Variants in TTC7A observed in about 807,000 individuals in gnomAD.
The protein encoded by TTC7A is tetratricopeptide repeat protein 7A.
Under a neutral mutation model 103.7 loss-of-function variants are expected in TTC7A, and 110 were observed. That is an observed-to-expected ratio of 1.06 (90% CI 0.91 to 1.24). The LOEUF (loss-of-function observed/expected upper bound fraction) is 1.24, where lower values mean the gene tolerates loss of function less well. TTC7A is among the 50% of genes most tolerant of loss of function. The probability of loss-of-function intolerance (pLI) is 0.00; values close to 1 mark genes in which losing one functional copy is unlikely to be tolerated. For synonymous variants in TTC7A, 521 were observed against 467.9 expected (o/e 1.11, Z -1.47); for missense variants, 1,340 against 1,116.3 (o/e 1.20, Z -2.86).
chr2:46,981,876 C>T (rs963955633), intron 5 of TTC7A, among the ~76,000 whole-genome samples: 2 of 152,214 alleles, frequency 1.3e-5, no homozygotes, highest in African/African-American at 4.8e-5. Flanking sequence ...GAATGTGGAA[C>T]AGGCTGTGGT....
chr2:46,993,212 A>C (rs573600058), intron 5 of TTC7A, among the ~76,000 whole-genome samples: 154 of 152,330 alleles, frequency 1.0e-3, no homozygotes, highest in African/African-American at 3.6e-3. Context: ...CGGAAGCCCA[A>C]GTTGCTGGGG....
chr2:47,061,636 C>T (rs960983582), intron 19 of TTC7A, among the ~76,000 whole-genome samples: 2 of 152,186 alleles, frequency 1.3e-5, no homozygotes, highest in Non-Finnish European at 2.9e-5. Context: ...CTGGCCTTAC[C>T]TCTACCTGGT....
intron 15 of TTC7A, among the ~76,000 whole-genome samples, chr2:47,042,392 C>T (rs1464154511): frequency 1.3e-5 from 2 of 152,096 alleles, no homozygotes; most frequent in African/African-American, 4.8e-5. Flanking sequence ...GTCCTAACTA[C>T]TCAGGAGGCT....
intron 1 of TTC7A, among the ~76,000 whole-genome samples, chr2:46,944,374 G>GTTTTTTTGT (rs1670735530): frequency 1.0e-4 from 9 of 88,946 alleles, no homozygotes; most frequent in African/African-American, 4.1e-4. Flanking sequence ...GGTATTTTGG[G>GTTTTTTTGT]TTTTTTTTTT....
chr2:46,984,093 T>C (rs1042420819), intron 5 of TTC7A, among the ~76,000 whole-genome samples: 7 of 152,344 alleles, frequency 4.6e-5, no homozygotes, highest in Admixed American at 1.3e-4. Context: ...AGCACCATAT[T>C]TAGCATCCCT....
At chr2:46,975,190 G>A in intron 4 of TTC7A, 87 bp downstream of exon 4, 2 of 1,546,524 alleles carry the variant, frequency 1.3e-6, no homozygotes, top group Non-Finnish European at 1.8e-6. Flanking sequence ...GGTCACCTGT[G>A]TGCTAATTAG....
chr2:47,024,535 C>G (rs143290515), intron 14 of TTC7A, among the ~76,000 whole-genome samples, 176 bp downstream of exon 14: 2 of 152,070 alleles, frequency 1.3e-5, no homozygotes, highest in Non-Finnish European at 1.5e-5. Flanking sequence ...AGGATGAGGT[C>G]AGGTAATGTG....
chr2:46,950,625 A>G lies in TTC7A; in HGVS notation c.348+99A>G. 3 of 1,336,180 alleles carry G rather than the reference A, an allele frequency of 2.2e-6. No individual in the cohort carries two copies. In the South Asian group the frequency reaches 4.3e-5, roughly 19 times the overall value. 82.8% of individuals were successfully genotyped at this position (1,336,180 alleles called of 1,614,324 possible). A position where few individuals can be genotyped will look rare whatever the true frequency, so the allele number is the denominator to read the frequency against. On this transcript the variant is annotated intron_variant, in intron 2 of 19. Transcript: ENST00000319190. ...GAGTCATTTGGTCACCTGAGCAACA[A>G]GTCTCTCTTACAAGCTGCCCTTGCA...
At chr2:47,070,117 C>T (rs1318204811) in intron 19 of TTC7A, among the ~76,000 whole-genome samples, 1 of 152,242 alleles carries the variant, frequency 6.6e-6, no homozygotes, top group Non-Finnish European at 1.5e-5. Flanking sequence ...TGCTGCTCTG[C>T]CCTTGGAGGG....
At chr2:47,071,703 A>G (rs909873842) in intron 19 of TTC7A, among the ~76,000 whole-genome samples, 1 of 152,162 alleles carries the variant, frequency 6.6e-6, no homozygotes, top group African/African-American at 2.4e-5. Context: ...CTACAGACAC[A>G]CACAGGAAGT....
At chr2:46,976,357 G>A (rs775457701) in intron 4 of TTC7A, among the ~76,000 whole-genome samples, 2 of 152,196 alleles carry the variant, frequency 1.3e-5, no homozygotes, top group Non-Finnish European at 2.9e-5. Context: ...AATGCTCGTG[G>A]GGAAGATATT....
chr2:47,009,532 C>T (rs1270206712), intron 10 of TTC7A, among the ~76,000 whole-genome samples: 1 of 152,150 alleles, frequency 6.6e-6, no homozygotes, highest in Admixed American at 6.5e-5. Context: ...AAAAGCTCTT[C>T]CTTAGATGGC....
intron 12 of TTC7A, among the ~76,000 whole-genome samples, chr2:47,022,578 T>C (rs1679410856): frequency 6.6e-6 from 1 of 152,068 alleles, no homozygotes. Context: ...ACTTTGATCT[T>C]GTAGCTTGAG....
chr2:46,997,982 C>T (rs1000731587), intron 8 of TTC7A, among the ~76,000 whole-genome samples: 1 of 152,114 alleles, frequency 6.6e-6, no homozygotes, highest in Non-Finnish European at 1.5e-5. Context: ...CCTGAGTATG[C>T]GATCTCCTCC....
At chr2:47,000,508 C>T (rs908864002) in intron 8 of TTC7A, among the ~76,000 whole-genome samples, 2 of 152,174 alleles carry the variant, frequency 1.3e-5, no homozygotes, top group Non-Finnish European at 2.9e-5. Context: ...AGCAGGAGCT[C>T]GGAGGCTGGC....
chr2:47,074,041 T>C lies in TTC7A; in HGVS notation c.*118T>C. On this transcript the variant is annotated 3_prime_UTR_variant, in exon 20 of 20. Coordinates refer to ENST00000319190, the MANE Select transcript of TTC7A (RefSeq NM_020458.4). ...GGGCCTCAGGGAAATACATCTTTAGTGAACGCCTCTGCAGCTGCAGCCCTC... is the reference window on the plus strand; with the variant it reads ...GGGCCTCAGGGAAATACATCTTTAGCGAACGCCTCTGCAGCTGCAGCCCTC... 1 of 728,024 alleles carries C rather than the reference T, an allele frequency of 1.4e-6. No homozygotes were observed. The highest frequency in any genetic ancestry group is 3.9e-4 in the Middle Eastern group (1 of 2,548). 45.1% of individuals were successfully genotyped at this position (728,024 alleles called of 1,614,324 possible).
intron 18 of TTC7A, among the ~76,000 whole-genome samples, chr2:47,058,589 T>C (rs1000018082): frequency 6.6e-6 from 1 of 152,162 alleles, no homozygotes; most frequent in African/African-American, 2.4e-5. Context: ...CTAGGCAGGG[T>C]TCTTGGCAAA....
At chr2:47,031,563 A>G (rs1374190320) in intron 15 of TTC7A, among the ~76,000 whole-genome samples, 1 of 152,172 alleles carries the variant, frequency 6.6e-6, no homozygotes, top group Non-Finnish European at 1.5e-5. Context: ...AGCATTGGAG[A>G]AGCAAGAGGC....
chr2:46,984,527 C>A (rs973292462), intron 5 of TTC7A, among the ~76,000 whole-genome samples: 1 of 152,200 alleles, frequency 6.6e-6, no homozygotes, highest in Non-Finnish European at 1.5e-5. Context: ...CAGCTGTTAA[C>A]TTCCTCTCCA....
Sources: allele counts gnomAD v4.1 joint callset (sites outside exome capture counted in the v4.1 genomes callset), GRCh38; gene constraint gnomAD v4.1.1; transcripts MANE v1.5; gene names NCBI Gene and HGNC (gene_info 2026-07-23, HGNC 2026-07-21).